The following PCDH15 variants were observed in gnomAD, a reference collection of about 807,000 sequenced individuals.
PCDH15 encodes the protein protocadherin related 15, also known as protocadherin-15.
PCDH15 carries 129 observed loss-of-function variants against 178.5 expected under a neutral mutation model. That is an observed-to-expected ratio of 0.72 (90% CI 0.63 to 0.84). PCDH15 has a LOEUF of 0.84. Ranked by LOEUF, PCDH15 falls within the 40% of genes least tolerant of loss-of-function variation. The pLI is 0.00. For synonymous variants in PCDH15, 800 were observed against 732.0 expected, an observed-to-expected ratio of 1.09 and a Z score of -1.50; for missense variants, 2,230 against 2,099.9, an observed-to-expected ratio of 1.06 and a Z score of -1.21.
At chr10:54,848,503 C>G (rs1422925672) in intron 3 of PCDH15, among the ~76,000 whole-genome samples, 1 of 151,908 alleles carries the variant, frequency 6.6e-6, no homozygotes, top group Non-Finnish European at 1.5e-5. Flanking sequence ...GCCCGCTTAC[C>G]AAGTGATATG....
At position 53,865,788 on chromosome 10, in the gene PCDH15, TC is replaced by T. The variant is rs572066958; in HGVS notation, c.3717+853del. On this transcript the variant is annotated intron_variant, in intron 27 of 37. Transcript: ENST00000644397. ...TGCATGTATATGAAGGTTACGCTTGTCCAGGGAACTAAATGAGAAGAACTGC... is the reference window on the plus strand; with the variant it reads ...TGCATGTATATGAAGGTTACGCTTGTCAGGGAACTAAATGAGAAGAACTGC... 2.4e-3 allele frequency among the ~76,000 whole-genome samples: 363 copies of T among 152,270 alleles called. 1 individual carries two copies. The highest frequency in any genetic ancestry group is 8.1e-3 in the African/African-American group (337 of 41,556).
At chr10:54,152,991 C>A in intron 14 of PCDH15, 109 bp downstream of exon 14, 2 of 1,275,698 alleles carry the variant, frequency 1.6e-6, no homozygotes, top group Non-Finnish European at 2.2e-6. Context: ...ATTTTCTGAT[C>A]TAATTTAGAT....
chr10:53,982,718 C>A, intron 21 of PCDH15, among the ~76,000 whole-genome samples: 1 of 150,414 alleles, frequency 6.6e-6, no homozygotes, highest in African/African-American at 2.5e-5. Flanking sequence ...ATACCTAATG[C>A]TAAATGACGA....
At chr10:55,089,193 C>T (rs1842253484) in intron 2 of PCDH15, among the ~76,000 whole-genome samples, 1 of 152,028 alleles carries the variant, frequency 6.6e-6, no homozygotes, top group Non-Finnish European at 1.5e-5. Context: ...GTAAGACAGG[C>T]TCATTACATA....
At chr10:54,265,318 T>C (rs2057600674) in intron 8 of PCDH15, among the ~76,000 whole-genome samples, 1 of 151,964 alleles carries the variant, frequency 6.6e-6, no homozygotes, top group Non-Finnish European at 1.5e-5. Flanking sequence ...AAGTACATAG[T>C]CCACAGACTC....
chr10:55,479,702 A>C (rs1840137011), intron 2 of PCDH15, among the ~76,000 whole-genome samples: 1 of 151,634 alleles, frequency 6.6e-6, no homozygotes, highest in South Asian at 2.1e-4. Context: ...ATTGGAAAGA[A>C]GAAAGTCAAA....
intron 3 of PCDH15, among the ~76,000 whole-genome samples, chr10:54,875,713 A>G (rs1360450123): frequency 6.6e-6 from 1 of 152,166 alleles, no homozygotes; most frequent in Non-Finnish European, 1.5e-5. Context: ...AAAAGCCCTA[A>G]TTCTCTTCAA....
intron 6 of PCDH15, among the ~76,000 whole-genome samples, chr10:54,338,708 A>T (rs1235644141): frequency 1.3e-5 from 2 of 150,294 alleles, no homozygotes; most frequent in African/African-American, 4.9e-5. Context: ...AAGTGTCTTC[A>T]TTTTTTTTTT....
chr10:54,997,259 G>A (rs375392698), intron 2 of PCDH15, among the ~76,000 whole-genome samples: 18 of 152,146 alleles, frequency 1.2e-4, no homozygotes, highest in African/African-American at 3.9e-4. Context: ...ATCTGATGGC[G>A]AGAGTTTCAA....
intron 3 of PCDH15, among the ~76,000 whole-genome samples, chr10:54,521,599 T>C (rs2082874263): frequency 6.6e-6 from 1 of 152,170 alleles, no homozygotes; most frequent in South Asian, 2.1e-4. Flanking sequence ...AAATCACTTA[T>C]TAATTTTGAT....
intron 2 of PCDH15, among the ~76,000 whole-genome samples, chr10:54,661,847 T>A (rs942883199): frequency 2.0e-4 from 31 of 152,018 alleles, no homozygotes; most frequent in African/African-American, 7.5e-4. Flanking sequence ...AAAACTTGCT[T>A]GCTAAATGCA....
chr10:54,832,243 A>G (rs888610500), intron 3 of PCDH15, among the ~76,000 whole-genome samples: 1 of 152,164 alleles, frequency 6.6e-6, no homozygotes, highest in Non-Finnish European at 1.5e-5. Flanking sequence ...TGGCAATAAT[A>G]TTCCGATACT....
At chr10:55,627,802 G>C (rs1364854573) in intron 1 of PCDH15, 1 of 152,304 alleles carries the variant, frequency 6.6e-6, no homozygotes, top group African/African-American at 2.4e-5. Flanking sequence ...CAAGGATGGT[G>C]ATCAAAATCC....
chr10:54,841,135 T>G (rs1294720216), intron 3 of PCDH15, among the ~76,000 whole-genome samples: 1 of 151,788 alleles, frequency 6.6e-6, no homozygotes, highest in Non-Finnish European at 1.5e-5. Flanking sequence ...CAACTGTACA[T>G]GAAACATTCT....
At chr10:54,409,039 G>A (rs10733932) in intron 3 of PCDH15, among the ~76,000 whole-genome samples, 120,800 of 152,146 alleles carry the variant, frequency 0.79, 48,740 homozygotes, top group East Asian at 0.99. Flanking sequence ...GTATTCTCAT[G>A]GTAGTGAATA....
At chr10:54,620,131 G>A (rs768001297) in intron 2 of PCDH15, among the ~76,000 whole-genome samples, 23 of 151,848 alleles carry the variant, frequency 1.5e-4, no homozygotes, top group Non-Finnish European at 2.2e-4. Context: ...GAGATGACGC[G>A]GCCCACAAAA....
chr10:53,995,051 T>C (rs2091759107), intron 21 of PCDH15: 1 of 152,100 alleles, frequency 6.6e-6, no homozygotes, highest in African/African-American at 2.4e-5. Flanking sequence ...ACAAGGTATT[T>C]ATAGAAAGCT....
intron 2 of PCDH15, among the ~76,000 whole-genome samples, chr10:55,004,981 G>T (rs1839889845): frequency 1.3e-5 from 2 of 152,006 alleles, no homozygotes; most frequent in African/African-American, 4.8e-5. Context: ...GTGTTCCAAT[G>T]ATATAAAACC....
Position 54,735,400 on chromosome 10 carries a change from T to G in PCDH15, c.-29+65525A>C, listed in dbSNP as rs1027029297. Among the ~76,000 whole-genome samples the G allele has an allele frequency of 2.6e-5, 4 of 152,018 alleles. No individual in the cohort carries two copies. In the South Asian group the frequency reaches 8.3e-4, roughly 31 times the overall value. On this transcript the variant is annotated intron_variant, in intron 1 of 37. Transcript: ENST00000644397. ...CAGTGATGATGAGCACTTTTTCATG[T>G]GTTTTACACTGTTGGTGGGACTGTA...
Sources: allele counts gnomAD v4.1 joint callset (sites outside exome capture counted in the v4.1 genomes callset), GRCh38; gene constraint gnomAD v4.1.1; transcripts MANE v1.5; gene names NCBI Gene and HGNC (gene_info 2026-07-23, HGNC 2026-07-21).